HTRA1: variants seen among roughly 807,000 people sequenced by gnomAD.
HTRA1 encodes the protein serine protease HTRA1.
In HTRA1, 26 loss-of-function variants were observed where a neutral mutation model predicts 49.7. The ratio of observed to expected loss-of-function variants is 0.52; its 90% CI spans 0.38 to 0.73. The LOEUF (loss-of-function observed/expected upper bound fraction) is 0.73. Among genes scored for constraint, HTRA1 ranks in the 30% least tolerant of loss-of-function variants. The probability of loss-of-function intolerance (pLI) is 0.00; values close to 1 mark genes in which losing one functional copy is unlikely to be tolerated. For synonymous variants in HTRA1, 291 were observed against 286.9 expected (o/e 1.01, Z -0.14); for missense variants, 561 against 667.2 (o/e 0.84, Z 1.75).
intron 1 of HTRA1, among the ~76,000 whole-genome samples, chr10:122,471,871 G>T (rs910274859): frequency 6.6e-6 from 1 of 152,188 alleles, no homozygotes; most frequent in Non-Finnish European, 1.5e-5. Context: ...AACAGGCCTT[G>T]TTCCCTTAGT....
intron 1 of HTRA1, 76 bp downstream of exon 1, chr10:122,462,200 C>T: frequency 3.2e-6 from 4 of 1,259,402 alleles, no homozygotes; most frequent in Non-Finnish European, 4.4e-6. Context: ...GACTGGTGGG[C>T]AGGTTGAGGG....
Position 122,506,600 on chromosome 10 carries a change from A to C in HTRA1, c.778-91A>C. 1 of 1,129,126 alleles carries C rather than the reference A, an allele frequency of 8.9e-7. No homozygotes were observed. Among genetic ancestry groups the C allele is most frequent in the Admixed American group, 1.7e-5 (1 of 59,110 alleles). 69.9% of individuals were successfully genotyped at this position (1,129,126 alleles called of 1,614,324 possible). On this transcript the variant is annotated intron_variant, in intron 3 of 8. Transcript: ENST00000368984. The surrounding 1 kb of genome is among the most constrained non-coding windows in gnomAD (Gnocchi z 5.2). ...GCCTGGTGTTTCCAAATAGCCCGTC[A>C]CTGTCCCTGCTTGGTTTTCCATGAT... is the stretch of plus-strand genomic sequence containing the variant.
intron 3 of HTRA1, among the ~76,000 whole-genome samples, chr10:122,499,737 A>T (rs1451964214): frequency 6.6e-6 from 1 of 152,204 alleles, no homozygotes; most frequent in African/African-American, 2.4e-5. Context: ...GGTATGGAGG[A>T]TGTGCTATTT....
chr10:122,509,997 C>T (rs1168211152), intron 6 of HTRA1, 99 bp from the exon 7 acceptor site: 1 of 985,244 alleles, frequency 1.0e-6, no homozygotes, highest in Non-Finnish European at 1.6e-6. Flanking sequence ...CTTCTGTGGC[C>T]CTTCCTGCAA....
chr10:122,483,435 A>C (rs1027803646), intron 1 of HTRA1, among the ~76,000 whole-genome samples: 2 of 152,274 alleles, frequency 1.3e-5, no homozygotes, highest in Non-Finnish European at 2.9e-5. Flanking sequence ...ATCCATCTCT[A>C]TAAATTGTTG....
At chr10:122,493,143 C>T (rs1368495011) in intron 3 of HTRA1, among the ~76,000 whole-genome samples, 2 of 152,194 alleles carry the variant, frequency 1.3e-5, no homozygotes, top group Non-Finnish European at 2.9e-5. Context: ...CCCGGAAGAG[C>T]TTTTGGGAGA....
chr10:122,505,630 C>T (rs1444627486), intron 3 of HTRA1, among the ~76,000 whole-genome samples: 1 of 152,194 alleles, frequency 6.6e-6, no homozygotes, highest in East Asian at 1.9e-4. Context: ...TGGGTTCCAC[C>T]TGCCCCACCC....
chr10:122,502,565 T>A (rs2097501383), intron 3 of HTRA1, among the ~76,000 whole-genome samples: 1 of 152,206 alleles, frequency 6.6e-6, no homozygotes, highest in South Asian at 2.1e-4. Flanking sequence ...CTAAAGTCCC[T>A]CTGTTGAGAG....
intron 3 of HTRA1, among the ~76,000 whole-genome samples, chr10:122,501,694 G>A (rs1339857057): frequency 6.6e-6 from 1 of 152,172 alleles, no homozygotes; most frequent in African/African-American, 2.4e-5. Flanking sequence ...TACTGCCGAT[G>A]ACCTACGAGG....
chr10:122,482,917 C>CAAAAAAAAAAAAAAAAAAAAAAAAA (rs59042439), intron 1 of HTRA1, among the ~76,000 whole-genome samples: 1 of 75,024 alleles, frequency 1.3e-5, no homozygotes, highest in African/African-American at 5.3e-5. Flanking sequence ...GACTCTGTCT[C>CAAAAAAAAAAAAAAAAAAAAAAAAA]AAAAAAAAAA....
At chr10:122,498,382 C>T (rs945395368) in intron 3 of HTRA1, among the ~76,000 whole-genome samples, 1 of 152,190 alleles carries the variant, frequency 6.6e-6, no homozygotes, top group Non-Finnish European at 1.5e-5. Context: ...TCGGTGATCT[C>T]AGTGCCCATC....
At chr10:122,502,703 T>C (rs1417171204) in intron 3 of HTRA1, among the ~76,000 whole-genome samples, 2 of 152,196 alleles carry the variant, frequency 1.3e-5, no homozygotes, top group Non-Finnish European at 2.9e-5. Context: ...CTCCTGAGAT[T>C]GTGAGAACTG....
intron 3 of HTRA1, among the ~76,000 whole-genome samples, chr10:122,502,479 ACT>A (rs1361895469): frequency 6.6e-6 from 1 of 152,084 alleles, no homozygotes; most frequent in Admixed American, 6.5e-5. Flanking sequence ...CATGGCCAGG[ACT>A]CTGACACCCT....
chr10:122,510,228 C>A, intron 7 of HTRA1, 75 bp downstream of exon 7: 1 of 1,220,328 alleles, frequency 8.2e-7, no homozygotes, highest in Non-Finnish European at 1.2e-6. Context: ...ACGGGCACCC[C>A]TGAAAGAGAA....
In HTRA1 at chr10:122,480,483, C is replaced by T. The variant is rs113013139; in HGVS notation, c.473-8419C>T. Among the ~76,000 whole-genome samples the T allele has an allele frequency of 8.5e-3, 1,287 of 152,266 alleles. 17 individuals carry two copies. The highest frequency in any genetic ancestry group is 0.029 in the African/African-American group (1,208 of 41,552). On this transcript the variant is annotated intron_variant, in intron 1 of 8. Coordinates refer to ENST00000368984, the MANE Select transcript of HTRA1 (RefSeq NM_002775.5). ...TGGCCAGTGTGGGGAGAGAGCTGGC[C>T]TGGGAGTCTAATGGGAATGCCAGGG... is the stretch of plus-strand genomic sequence containing the variant.
At chr10:122,503,304 G>A (rs1055910785) in intron 3 of HTRA1, among the ~76,000 whole-genome samples, 4 of 152,200 alleles carry the variant, frequency 2.6e-5, no homozygotes, top group Non-Finnish European at 5.9e-5. Context: ...CTCAATTACC[G>A]AGTAGGAATT....
Position 122,462,119 on chromosome 10 carries a change from G to T in HTRA1, c.467G>T (p.Gly156Val). 1.3e-6 allele frequency: 2 copies of T among 1,533,022 alleles called. No homozygotes were observed. The highest frequency in any genetic ancestry group is 1.7e-6 in the Non-Finnish European group (2 of 1,145,424). 95.0% of individuals were successfully genotyped at this position (1,533,022 alleles called of 1,614,324 possible). ...ATCGTCCTGCAGCGCGGAGCCTGCGGCCAAGGTACTCCGCCGCGCTCCTGG... is the reference window on the plus strand; with the variant it reads ...ATCGTCCTGCAGCGCGGAGCCTGCGTCCAAGGTACTCCGCCGCGCTCCTGG... ...PVIVLQRGAC[G>V]QGQEDPNSLR... The change falls in exon 1 of 9, where the codon GGC (glycine) becomes GTC (valine). Residue 156 changes from glycine to valine, a missense_variant. Around this residue, in one of 3 missense-constraint regions of HTRA1, gnomAD observed 271 missense variants for 410.0 expected, o/e 0.66. Coordinates refer to ENST00000368984, the MANE Select transcript of HTRA1 (RefSeq NM_002775.5).
At chr10:122,499,251 G>C (rs1348642900) in intron 3 of HTRA1, among the ~76,000 whole-genome samples, 1 of 152,172 alleles carries the variant, frequency 6.6e-6, no homozygotes, top group Non-Finnish European at 1.5e-5. Flanking sequence ...CAGAGGTCCA[G>C]GGGCTGGTGG....
intron 3 of HTRA1, among the ~76,000 whole-genome samples, chr10:122,504,987 G>C (rs2097502450): frequency 6.6e-6 from 1 of 152,238 alleles, no homozygotes; most frequent in African/African-American, 2.4e-5. Context: ...CTGTGGAAAG[G>C]TGTTTGGTGG....
Sources: gnomAD v4.1 joint callset for allele counts (sites outside exome capture counted in the v4.1 genomes callset) on GRCh38, gnomAD v4.1.1 for gene constraint, gnomAD v4.1.1 regional missense constraint, Gnocchi (gnomAD v3.1) non-coding constraint, MANE v1.5 for transcripts, NCBI Gene and HGNC (gene_info 2026-07-23, HGNC 2026-07-21) for gene names.